The following ROBO2 variants were observed in gnomAD, a reference collection of about 807,000 sequenced individuals.
The protein encoded by ROBO2 is roundabout guidance receptor 2, also known as roundabout homolog 2.
ROBO2 carries 53 observed loss-of-function variants against 160.8 expected under a neutral mutation model. That is an observed-to-expected ratio of 0.33 (90% CI 0.26 to 0.41). The LOEUF (loss-of-function observed/expected upper bound fraction) is 0.41. Ranked by LOEUF, ROBO2 falls within the 10% of genes least tolerant of loss-of-function variation. The pLI, the probability that ROBO2 is intolerant of heterozygous loss-of-function variation, is 1.00. For missense variants in ROBO2, 1,577 were observed against 1,722.4 expected (o/e 0.92, Z 1.49); for synonymous variants, 664 against 611.7 (o/e 1.09, Z -1.26).
intron 2 of ROBO2, among the ~76,000 whole-genome samples, chr3:77,173,085 G>A (rs2079795119): frequency 6.6e-6 from 1 of 152,142 alleles, no homozygotes; most frequent in Non-Finnish European, 1.5e-5. Flanking sequence ...TCAATCACAA[G>A]GAAGAGCCAG....
chr3:77,576,237 T>G (rs2093759751), intron 14 of ROBO2, among the ~76,000 whole-genome samples: 1 of 152,136 alleles, frequency 6.6e-6, no homozygotes, highest in Admixed American at 6.6e-5. Flanking sequence ...AGTACTCTAT[T>G]AACATGTTGC....
At chr3:76,675,807 A>G (rs1040617917) in intron 2 of ROBO2, among the ~76,000 whole-genome samples, 14 of 152,168 alleles carry the variant, frequency 9.2e-5, no homozygotes, top group African/African-American at 3.1e-4. Flanking sequence ...AATATTCCAA[A>G]TGTACAAAAG....
intron 4 of ROBO2, among the ~76,000 whole-genome samples, chr3:77,486,836 AT>A (rs1381497351): frequency 6.6e-6 from 1 of 151,710 alleles, no homozygotes; most frequent in East Asian, 1.9e-4. Flanking sequence ...CTTCCCCACC[AT>A]CCCCCACCAC....
At chr3:76,351,324 A>T (rs2074861548) in intron 2 of ROBO2, among the ~76,000 whole-genome samples, 1 of 151,940 alleles carries the variant, frequency 6.6e-6, no homozygotes, top group African/African-American at 2.4e-5. Context: ...GGTGCTGGTA[A>T]ATAATAATTG....
intron 2 of ROBO2, among the ~76,000 whole-genome samples, chr3:77,450,498 G>C (rs1020174872): frequency 3.3e-5 from 5 of 151,932 alleles, no homozygotes; most frequent in African/African-American, 7.2e-5. Context: ...ACAGATTATT[G>C]GCCAATGTGG....
chr3:77,261,756 A>G, intron 2 of ROBO2, among the ~76,000 whole-genome samples: 1 of 145,874 alleles, frequency 6.9e-6, no homozygotes, highest in African/African-American at 2.6e-5. Context: ...TTGCCAAAGG[A>G]TTTCTGATTT....
chr3:77,102,443 G>A (rs1270990353), intron 2 of ROBO2, among the ~76,000 whole-genome samples: 1 of 152,174 alleles, frequency 6.6e-6, no homozygotes, highest in Non-Finnish European at 1.5e-5. Context: ...TTCCTCAGGA[G>A]AGAAAGTCAG....
intron 2 of ROBO2, among the ~76,000 whole-genome samples, chr3:77,245,765 A>G (rs2089653594): frequency 6.6e-6 from 1 of 152,230 alleles, no homozygotes; most frequent in Admixed American, 6.5e-5. Flanking sequence ...TTAGCAGAAC[A>G]TAATATGTTA....
intron 1 of ROBO2, among the ~76,000 whole-genome samples, chr3:77,066,667 A>G (rs143224125): frequency 3.9e-5 from 6 of 152,276 alleles, no homozygotes; most frequent in African/African-American, 1.4e-4. Flanking sequence ...CTTTAATTAT[A>G]TAATCTGTAT....
intron 2 of ROBO2, among the ~76,000 whole-genome samples, chr3:76,846,019 A>T (rs1385628942): frequency 6.6e-6 from 1 of 151,990 alleles, no homozygotes; most frequent in Non-Finnish European, 1.5e-5. Context: ...ATCAAATACA[A>T]CTCATTCAAT....
At chr3:77,295,846 G>A (rs1390914764) in intron 2 of ROBO2, among the ~76,000 whole-genome samples, 1 of 150,328 alleles carries the variant, frequency 6.7e-6, no homozygotes, top group African/African-American at 2.4e-5. Flanking sequence ...CGGGTAAACG[G>A]GTAAGCTGAG....
intron 2 of ROBO2, among the ~76,000 whole-genome samples, chr3:76,886,290 G>A (rs1166985): frequency 0.68 from 102,424 of 151,082 alleles, 34,856 homozygotes; most frequent in Middle Eastern, 0.75. Context: ...CCTTTGGATT[G>A]CAGATAACTT....
At chr3:76,584,870 A>T (rs941041403) in intron 2 of ROBO2, among the ~76,000 whole-genome samples, 1 of 152,160 alleles carries the variant, frequency 6.6e-6, no homozygotes, top group Non-Finnish European at 1.5e-5. Context: ...GTCTTCCTGC[A>T]GTGTCTATCC....
chr3:76,286,755 G>T (rs1478770745), intron 2 of ROBO2, among the ~76,000 whole-genome samples: 4 of 152,130 alleles, frequency 2.6e-5, no homozygotes, highest in African/African-American at 7.2e-5. Context: ...CTTTGTGTGG[G>T]TGGTAATGCA....
At chr3:76,564,201 G>A (rs1037184189) in intron 2 of ROBO2, among the ~76,000 whole-genome samples, 12 of 152,302 alleles carry the variant, frequency 7.9e-5, no homozygotes, top group South Asian at 2.1e-4. Context: ...GCAAGACTCC[G>A]TCTCAAAAAA....
intron 2 of ROBO2, among the ~76,000 whole-genome samples, chr3:76,721,503 A>T (rs114268240): frequency 1.2e-3 from 189 of 152,250 alleles, no homozygotes; most frequent in African/African-American, 4.4e-3. Flanking sequence ...TTCCTCTCTG[A>T]ATCTGATTAC....
chr3:76,429,258 A>G (rs1448427243), intron 2 of ROBO2, among the ~76,000 whole-genome samples: 1 of 152,082 alleles, frequency 6.6e-6, no homozygotes, highest in African/African-American at 2.4e-5. Flanking sequence ...TCCAAGGTCT[A>G]GACCTCATGC....
chr3:76,231,194 C>T (rs544463188), intron 2 of ROBO2, among the ~76,000 whole-genome samples: 6 of 152,270 alleles, frequency 3.9e-5, no homozygotes, highest in Admixed American at 1.3e-4. Flanking sequence ...CTGAGAATTT[C>T]GGAGACTGAT....
chr3:76,617,370 AT>A (rs1021912409), intron 2 of ROBO2, among the ~76,000 whole-genome samples: 1 of 152,016 alleles, frequency 6.6e-6, no homozygotes, highest in Non-Finnish European at 1.5e-5. Context: ...TTTGCAACTC[AT>A]TTTTTATCGT....
Sources: gnomAD v4.1 joint callset for allele counts (sites outside exome capture counted in the v4.1 genomes callset) on GRCh38, gnomAD v4.1.1 for gene constraint, MANE v1.5 for transcripts, NCBI Gene and HGNC (gene_info 2026-07-23, HGNC 2026-07-21) for gene names.